ATF6: variants seen among roughly 807,000 people sequenced by gnomAD.
The protein encoded by ATF6 is cyclic AMP-dependent transcription factor ATF-6 alpha.
In ATF6, 53 loss-of-function variants were observed where a neutral mutation model predicts 83.6. The observed-to-expected ratio is 0.63, with a 90% CI of 0.51 to 0.80. The LOEUF (loss-of-function observed/expected upper bound fraction) is 0.80. ATF6 is among the 30% of genes least tolerant of loss of function. The probability of loss-of-function intolerance (pLI) is 0.00; values close to 1 mark genes in which losing one functional copy is unlikely to be tolerated. For missense variants in ATF6, 744 were observed against 797.9 expected, an observed-to-expected ratio of 0.93 and a Z score of 0.81; for synonymous variants, 288 against 285.8, an observed-to-expected ratio of 1.01 and a Z score of -0.08.
At chr1:161,808,407 A>T (rs1173841728) in intron 7 of ATF6, among the ~76,000 whole-genome samples, 1 of 152,076 alleles carries the variant, frequency 6.6e-6, no homozygotes, top group Admixed American at 6.5e-5. Flanking sequence ...TTCTGGAGAC[A>T]GTTCTTTAAT....
chr1:161,902,803 G>A (rs1687813577), intron 14 of ATF6, among the ~76,000 whole-genome samples: 1 of 152,152 alleles, frequency 6.6e-6, no homozygotes. Context: ...ATATATAATA[G>A]GTGTTAGAGA....
intron 2 of ATF6, among the ~76,000 whole-genome samples, chr1:161,781,243 A>G (rs974496114): frequency 7.2e-5 from 11 of 152,202 alleles, no homozygotes; most frequent in African/African-American, 2.7e-4. Context: ...AAAGAACTTA[A>G]TGCAGGCTTT....
intron 11 of ATF6, among the ~76,000 whole-genome samples, chr1:161,852,414 A>T (rs1190792164): frequency 2.0e-5 from 3 of 152,132 alleles, no homozygotes; most frequent in African/African-American, 7.2e-5. Context: ...GTGTTGAAAA[A>T]TTTGAATTTT....
intron 15 of ATF6, among the ~76,000 whole-genome samples, chr1:161,931,105 C>T (rs1158747753): frequency 2.6e-5 from 4 of 152,140 alleles, no homozygotes; most frequent in Non-Finnish European, 5.9e-5. Context: ...AAACTCCTGA[C>T]CTCAAGTGAT....
At chr1:161,941,814 T>G (rs1462566086) in intron 15 of ATF6, among the ~76,000 whole-genome samples, 1 of 152,204 alleles carries the variant, frequency 6.6e-6, no homozygotes, top group African/African-American at 2.4e-5. Flanking sequence ...AAATGATGAC[T>G]TAAAGAAAGT....
intron 15 of ATF6, among the ~76,000 whole-genome samples, chr1:161,942,483 G>A (rs1311985987): frequency 6.6e-6 from 1 of 152,138 alleles, no homozygotes; most frequent in South Asian, 2.1e-4. Context: ...CACCCTATGG[G>A]TTAGGTATTA....
At chr1:161,778,560 G>A (rs1018542532) in intron 2 of ATF6, among the ~76,000 whole-genome samples, 1 of 152,090 alleles carries the variant, frequency 6.6e-6, no homozygotes, top group Non-Finnish European at 1.5e-5. Flanking sequence ...GGTGACTTTG[G>A]AAAAGTCACT....
intron 1 of ATF6, among the ~76,000 whole-genome samples, chr1:161,768,411 G>C (rs1297193308): frequency 1.3e-5 from 2 of 152,050 alleles, no homozygotes. Context: ...TCTCTTCTTT[G>C]AAGACTTTAA....
chr1:161,946,182 A>G (rs1435737194), intron 15 of ATF6, among the ~76,000 whole-genome samples: 1 of 152,070 alleles, frequency 6.6e-6, no homozygotes. Context: ...TTTCATAGAG[A>G]CAGGAGTACT....
At chr1:161,831,716 G>A (rs561288764) in intron 9 of ATF6, among the ~76,000 whole-genome samples, 1 of 144,720 alleles carries the variant, frequency 6.9e-6, no homozygotes, top group Non-Finnish European at 1.5e-5. Context: ...AACACCACAT[G>A]TTCTCACTCA....
chr1:161,835,207 C>T (rs1253451330), intron 9 of ATF6, among the ~76,000 whole-genome samples: 1 of 152,170 alleles, frequency 6.6e-6, no homozygotes, highest in African/African-American at 2.4e-5. Flanking sequence ...TACACACCAC[C>T]GTACCTGGCT....
At chr1:161,769,723 T>A (rs184298483) in intron 1 of ATF6, among the ~76,000 whole-genome samples, 18 of 152,206 alleles carry the variant, frequency 1.2e-4, no homozygotes, top group Non-Finnish European at 2.4e-4. Context: ...AGACAGTGAT[T>A]AGATCATCAG....
At position 161,792,382 on chromosome 1, in the gene ATF6, G is replaced by T; in HGVS notation, c.688+55G>T. Reference sequence around the variant, plus strand: ...ATTTATTTGGAGGGCAGTAAGGGTTGTGTCATATGATTTGTTTTAATTCAG... The same window carrying T: ...ATTTATTTGGAGGGCAGTAAGGGTTTTGTCATATGATTTGTTTTAATTCAG... On this transcript the variant is annotated intron_variant, in intron 6 of 15. Transcript: ENST00000367942. The T allele has an allele frequency of 4.7e-6, 7 of 1,498,706 alleles. No homozygotes were observed. The South Asian group carries it at 8.1e-5, about 17-fold the overall frequency. 92.8% of individuals were successfully genotyped at this position (1,498,706 alleles called of 1,614,324 possible).
intron 14 of ATF6, among the ~76,000 whole-genome samples, chr1:161,884,785 G>A (rs1687386016): frequency 6.6e-6 from 1 of 152,112 alleles, no homozygotes; most frequent in African/African-American, 2.4e-5. Flanking sequence ...CAAAATCAGA[G>A]TAAGAAGGCA....
intron 1 of ATF6, among the ~76,000 whole-genome samples, chr1:161,776,081 C>G (rs145821306): frequency 6.6e-6 from 1 of 152,294 alleles, no homozygotes; most frequent in African/African-American, 2.4e-5. Context: ...CCGACTCTTT[C>G]CATGCTCTTA....
At chr1:161,928,708 C>T (rs1688372284) in intron 15 of ATF6, among the ~76,000 whole-genome samples, 1 of 152,110 alleles carries the variant, frequency 6.6e-6, no homozygotes, top group Non-Finnish European at 1.5e-5. Flanking sequence ...ACCAGTTCTA[C>T]TTTCAAAACA....
intron 1 of ATF6, among the ~76,000 whole-genome samples, chr1:161,771,458 T>C (rs1431617980): frequency 3.3e-5 from 5 of 152,192 alleles, no homozygotes; most frequent in African/African-American, 7.2e-5. Flanking sequence ...CTTTTCACCA[T>C]AGGGCCTCTG....
intron 6 of ATF6, among the ~76,000 whole-genome samples, chr1:161,792,675 G>T (rs1004933315): frequency 2.6e-5 from 4 of 152,066 alleles, no homozygotes; most frequent in African/African-American, 9.7e-5. Context: ...TTGTTTTGAA[G>T]GAATATTTAA....
At chr1:161,859,073 AAGTAT>A (rs1475092035) in intron 12 of ATF6, among the ~76,000 whole-genome samples, 10 of 152,156 alleles carry the variant, frequency 6.6e-5, no homozygotes, top group Non-Finnish European at 1.3e-4. Context: ...CTATGCCAGT[AAGTAT>A]AGTATTTTAT....
Sources: gnomAD v4.1 joint callset for allele counts (sites outside exome capture counted in the v4.1 genomes callset) on GRCh38, gnomAD v4.1.1 for gene constraint, MANE v1.5 for transcripts, NCBI Gene and HGNC (gene_info 2026-07-23, HGNC 2026-07-21) for gene names.